Variants in PTPRN2 observed in about 807,000 individuals in gnomAD.
PTPRN2 encodes protein tyrosine phosphatase receptor type N2.
Under a neutral mutation model 118.8 loss-of-function variants are expected in PTPRN2, and 74 were observed. The observed-to-expected ratio is 0.62, with a 90% CI of 0.52 to 0.76. The LOEUF (loss-of-function observed/expected upper bound fraction) is 0.76. PTPRN2 is among the 30% of genes least tolerant of loss of function. PTPRN2 has a pLI of 0.00. For missense variants in PTPRN2, 1,481 were observed against 1,394.4 expected (o/e 1.06, Z -0.99); for synonymous variants, 641 against 608.0 (o/e 1.05, Z -0.80).
chr7:158,108,257 C>T (rs981530677), intron 10 of PTPRN2, among the ~76,000 whole-genome samples: 6 of 152,070 alleles, frequency 3.9e-5, no homozygotes, highest in East Asian at 1.9e-4. Flanking sequence ...CACAAATAGC[C>T]CCCCCTCACC....
At chr7:158,340,614 C>A (rs1281031018) in intron 2 of PTPRN2, among the ~76,000 whole-genome samples, 1 of 112,720 alleles carries the variant, frequency 8.9e-6, no homozygotes, top group African/African-American at 3.2e-5. Context: ...CACCCACACA[C>A]GTCACTCACA....
intron 5 of PTPRN2, among the ~76,000 whole-genome samples, chr7:158,175,187 C>A (rs965709282): frequency 5.9e-5 from 9 of 152,200 alleles, no homozygotes; most frequent in African/African-American, 2.2e-4. Context: ...ACGTTTTCTC[C>A]CTGTCTCACT....
intron 3 of PTPRN2, among the ~76,000 whole-genome samples, chr7:158,303,505 T>A (rs1801047619): frequency 6.6e-6 from 1 of 152,258 alleles, no homozygotes; most frequent in Non-Finnish European, 1.5e-5. Flanking sequence ...TTTAACAAAA[T>A]GCATTATACT....
At chr7:157,841,349 G>T (rs1054017357) in intron 12 of PTPRN2, among the ~76,000 whole-genome samples, 4 of 152,186 alleles carry the variant, frequency 2.6e-5, no homozygotes, top group Non-Finnish European at 4.4e-5. Context: ...AGCCCCACAT[G>T]GTGGGAAGCT....
At chr7:158,348,918 C>T (rs1040303150) in intron 2 of PTPRN2, among the ~76,000 whole-genome samples, 26 of 145,866 alleles carry the variant, frequency 1.8e-4, no homozygotes, top group Admixed American at 7.4e-4. Flanking sequence ...GGGTGGCCCA[C>T]GTCACTGCAC....
At chr7:157,809,927 G>A (rs187855551) in intron 12 of PTPRN2, among the ~76,000 whole-genome samples, 39 of 152,298 alleles carry the variant, frequency 2.6e-4, no homozygotes, top group Admixed American at 1.7e-3. Context: ...AGGCAGGTTC[G>A]GGGAACAGGA....
At chr7:157,788,114 G>A (rs964827002) in intron 12 of PTPRN2, among the ~76,000 whole-genome samples, 1 of 152,244 alleles carries the variant, frequency 6.6e-6, no homozygotes, top group Non-Finnish European at 1.5e-5. Context: ...GGTGGCTCAT[G>A]CCTGTAATCC....
chr7:158,209,915 C>T (rs1409364553), intron 3 of PTPRN2, among the ~76,000 whole-genome samples: 2 of 152,040 alleles, frequency 1.3e-5, no homozygotes, highest in African/African-American at 4.8e-5. Flanking sequence ...ACTATACAAA[C>T]ACATGGAAAT....
intron 12 of PTPRN2, among the ~76,000 whole-genome samples, chr7:157,691,076 C>G (rs1430926878): frequency 5.8e-5 from 7 of 120,516 alleles, no homozygotes; most frequent in East Asian, 4.5e-4. Context: ...GTCCCCCCCC[C>G]CCCCCACATG....
chr7:158,338,608 C>T (rs377550631), intron 2 of PTPRN2, among the ~76,000 whole-genome samples: 1 of 44,690 alleles, frequency 2.2e-5, no homozygotes, highest in Non-Finnish European at 3.9e-5. Context: ...AGCTGAGGCC[C>T]ACAGAGGACA....
chr7:158,061,105 C>T (rs1810293616), intron 11 of PTPRN2, among the ~76,000 whole-genome samples: 1 of 152,266 alleles, frequency 6.6e-6, no homozygotes. Flanking sequence ...GTCCGTGTCG[C>T]TCAGCTGCCG....
intron 11 of PTPRN2, among the ~76,000 whole-genome samples, chr7:158,070,500 CCG>C (rs1811189885): frequency 3.0e-5 from 2 of 66,170 alleles, no homozygotes; most frequent in South Asian, 5.2e-4. Context: ...GTGGAGGTGC[CCG>C]TGGTGGTGGA....
chr7:157,550,206 G>T lies in PTPRN2; in HGVS notation c.2903-1187C>A, dbSNP rs1798525269. 3.9e-5 allele frequency among the ~76,000 whole-genome samples: 6 copies of T among 152,214 alleles called. No homozygotes were observed. The highest frequency in any genetic ancestry group is 3.3e-4 in the Admixed American group (5 of 15,288). On this transcript the variant is annotated intron_variant, in intron 21 of 22. Coordinates refer to ENST00000389418, the MANE Select transcript of PTPRN2 (RefSeq NM_002847.5). This position sits in a 1 kb window ranked among gnomAD's most constrained non-coding sequence, Gnocchi z 5.2. ...CTCAATTTCCTTTCCCTGTGGTTCT[G>T]TGGCTTCATGGGGTGGCAACTGTGA...
At position 158,529,752 on chromosome 7, in the gene PTPRN2, C is replaced by A. The variant is rs908347953; in HGVS notation, c.113-39967G>T. 2.0e-5 allele frequency among the ~76,000 whole-genome samples: 3 copies of A among 152,114 alleles called. No homozygotes were observed. Among genetic ancestry groups the A allele is most frequent in the Admixed American group, 2.0e-4 (3 of 15,264 alleles). ...GGGGCGGTCACCAGAAGGGGCCAGG[C>A]GGGAGCAGGACCAGCTCACAGTCTC... is the stretch of plus-strand genomic sequence containing the variant. On this transcript the variant is annotated intron_variant, in intron 1 of 22. Transcript: ENST00000389418. This position sits in a 1 kb window ranked among gnomAD's most constrained non-coding sequence, Gnocchi z 4.7.
chr7:158,525,329 C>T lies in PTPRN2; in HGVS notation c.113-35544G>A, dbSNP rs1372361948. On this transcript the variant is annotated intron_variant, in intron 1 of 22. Transcript: ENST00000389418. The surrounding 1 kb of genome is among the most constrained non-coding windows in gnomAD (Gnocchi z 4.1). ...TAATGTGCAACAAAACCGTGAGACCCGAGCAGAAGCTGCAGCAGAAGGTAG... is the reference window on the plus strand; with the variant it reads ...TAATGTGCAACAAAACCGTGAGACCTGAGCAGAAGCTGCAGCAGAAGGTAG... 1.3e-5 allele frequency among the ~76,000 whole-genome samples: 2 copies of T among 152,188 alleles called. No homozygotes were observed. The highest frequency in any genetic ancestry group is 2.4e-5 in the African/African-American group (1 of 41,446).
chr7:157,860,437 T>G (rs57426645), intron 12 of PTPRN2, among the ~76,000 whole-genome samples: 22,708 of 152,252 alleles, frequency 0.15, 2,017 homozygotes, highest in Middle Eastern at 0.24. Flanking sequence ...TATCGAACAC[T>G]CTTGGAGCTT....
At chr7:158,394,550 G>A (rs543127181) in intron 2 of PTPRN2, among the ~76,000 whole-genome samples, 1 of 152,212 alleles carries the variant, frequency 6.6e-6, no homozygotes, top group South Asian at 2.1e-4. Context: ...CTGGTTCCCT[G>A]AGCACCCCCT....
chr7:157,842,251 G>A (rs2151186073), intron 12 of PTPRN2, among the ~76,000 whole-genome samples: 1 of 152,164 alleles, frequency 6.6e-6, no homozygotes, highest in Non-Finnish European at 1.5e-5. Flanking sequence ...CTGCTTTATG[G>A]GGTCATTTCA....
intron 2 of PTPRN2, among the ~76,000 whole-genome samples, chr7:158,407,296 T>C (rs879041511): frequency 2.0e-4 from 14 of 70,832 alleles, no homozygotes; most frequent in Non-Finnish European, 2.1e-4. Context: ...TCCTGGGTCC[T>C]GCGTCCTGGG....
Sources: gnomAD v4.1 joint callset for allele counts (sites outside exome capture counted in the v4.1 genomes callset) on GRCh38, gnomAD v4.1.1 for gene constraint, Gnocchi (gnomAD v3.1) non-coding constraint, MANE v1.5 for transcripts, NCBI Gene and HGNC (gene_info 2026-07-23, HGNC 2026-07-21) for gene names.